The following DGCR2 variants were observed in gnomAD, a reference collection of about 807,000 sequenced individuals.
DGCR2 encodes DiGeorge syndrome critical region gene 2.
Under a neutral mutation model 51.6 loss-of-function variants are expected in DGCR2, and 24 were observed. The ratio of observed to expected loss-of-function variants is 0.47; its 90% CI spans 0.34 to 0.65. DGCR2 has a LOEUF of 0.65. Among genes scored for constraint, DGCR2 ranks in the 30% least tolerant of loss-of-function variants. DGCR2 has a pLI of 0.01. For synonymous variants in DGCR2, 340 were observed against 315.4 expected, an observed-to-expected ratio of 1.08 and a Z score of -0.82; for missense variants, 765 against 772.1, an observed-to-expected ratio of 0.99 and a Z score of 0.11.
intron 5 of DGCR2, among the ~76,000 whole-genome samples, chr22:19,062,608 G>A (rs1262267547): frequency 6.6e-6 from 1 of 152,080 alleles, no homozygotes; most frequent in Non-Finnish European, 1.5e-5. Flanking sequence ...GGCACTGCTG[G>A]AGTATGTCCA....
intron 1 of DGCR2, among the ~76,000 whole-genome samples, chr22:19,100,661 G>GT (rs2083191730): frequency 3.7e-5 from 3 of 80,670 alleles, no homozygotes; most frequent in East Asian, 6.9e-4. Flanking sequence ...GCGAGACTCC[G>GT]TTTAAAAAAA....
chr22:19,064,485 T>C (rs1174650568), intron 4 of DGCR2, among the ~76,000 whole-genome samples: 2 of 152,130 alleles, frequency 1.3e-5, no homozygotes, highest in Non-Finnish European at 2.9e-5. Flanking sequence ...TGCACACCCC[T>C]TGCACAAGGC....
Position 19,036,978 on chromosome 22 carries a change from G to A in DGCR2, c.*1887C>T, listed in dbSNP as rs2082376209. The A allele has an allele frequency of 6.6e-6, 1 of 152,390 alleles. No individual in the cohort carries two copies. Among genetic ancestry groups the A allele is most frequent in the African/African-American group, 2.4e-5 (1 of 41,466 alleles). The allele number at this position is 152,390 out of a possible 1,614,324, so 9.4% of individuals were successfully genotyped here. On this transcript the variant is annotated 3_prime_UTR_variant, in exon 10 of 10. Transcript: ENST00000263196. ...GAATCCTCTGAGCTCTCAGGCTCAG[G>A]CCCGTGGGGGACTCTGCTGCGTGGT...
At chr22:19,121,117 C>A (rs2083426613) in intron 1 of DGCR2, among the ~76,000 whole-genome samples, 1 of 152,218 alleles carries the variant, frequency 6.6e-6, no homozygotes, top group Admixed American at 6.5e-5. Flanking sequence ...GCCACACACC[C>A]CGTGCTCCCA....
intron 3 of DGCR2, among the ~76,000 whole-genome samples, chr22:19,067,580 C>T (rs931906306): frequency 3.9e-5 from 6 of 152,174 alleles, no homozygotes; most frequent in Middle Eastern, 3.4e-3. Flanking sequence ...GTAATCCCAG[C>T]TACTCGGGAG....
chr22:19,114,702 G>A (rs1366866392), intron 1 of DGCR2, among the ~76,000 whole-genome samples: 1 of 152,170 alleles, frequency 6.6e-6, no homozygotes, highest in East Asian at 1.9e-4. Flanking sequence ...GGGTCCCTCT[G>A]CTGTGACTCC....
At chr22:19,113,952 G>C (rs1333620608) in intron 1 of DGCR2, among the ~76,000 whole-genome samples, 1 of 151,690 alleles carries the variant, frequency 6.6e-6, no homozygotes, top group Non-Finnish European at 1.5e-5. Flanking sequence ...CCAGCTACTT[G>C]GGAGGTTGAG....
At chr22:19,048,385 A>G in intron 7 of DGCR2, 55 bp downstream of exon 7, 2 of 1,597,726 alleles carry the variant, frequency 1.3e-6, no homozygotes, top group South Asian at 2.2e-5. Context: ...AGGGACGCCC[A>G]GCCTCCAGCC....
At chr22:19,044,469 A>G (rs958015509) in intron 7 of DGCR2, among the ~76,000 whole-genome samples, 1 of 152,248 alleles carries the variant, frequency 6.6e-6, no homozygotes, top group Non-Finnish European at 1.5e-5. Flanking sequence ...GCAGAAGGTC[A>G]GCAGGGATCA....
At chr22:19,074,016 G>A (rs879625613) in intron 2 of DGCR2, among the ~76,000 whole-genome samples, 2 of 152,194 alleles carry the variant, frequency 1.3e-5, no homozygotes, top group African/African-American at 4.8e-5. Context: ...CTGACTGATA[G>A]AGATCTGTAA....
rs1166818525 is a variant in DGCR2, at chr22:19,041,183, A to G, written c.1271T>C (p.Phe424Ser). ...GGGAGGTGGAGGGTCGTGGAAATGG[A>G]AAGTCCCACCCTCTCCGTCGTCAGA... ...HLSDDGEGGT[F>S]HFHDPPPPYT... The change falls in exon 9 of 10, where the codon TTC (phenylalanine) becomes TCC (serine). Residue 424 changes from phenylalanine (F) to serine (S), a missense_variant. Phe to Ser is a radical substitution (Grantham distance 155). Transcript: ENST00000263196. 10 of 1,613,846 alleles carry G rather than the reference A, an allele frequency of 6.2e-6. No individual in the cohort carries two copies. The highest frequency in any genetic ancestry group is 8.5e-6 in the Non-Finnish European group (10 of 1,179,932).
chr22:19,098,753 A>AATTTTTT (rs2083169296), intron 1 of DGCR2, among the ~76,000 whole-genome samples: 2 of 151,900 alleles, frequency 1.3e-5, no homozygotes, highest in Non-Finnish European at 2.9e-5. Flanking sequence ...ATACTCAGCT[A>AATTTTTT]ATTTTTTATT....
intron 6 of DGCR2, 86 bp from the exon 7 acceptor site, chr22:19,048,729 G>T: frequency 1.4e-6 from 2 of 1,389,096 alleles, no homozygotes; most frequent in Non-Finnish European, 2.0e-6. Context: ...AAAAAAGGTA[G>T]CCTCCCCGTG....
chr22:19,088,918 G>A (rs1191356585), intron 2 of DGCR2, among the ~76,000 whole-genome samples: 2 of 152,188 alleles, frequency 1.3e-5, no homozygotes, highest in Admixed American at 6.5e-5. Context: ...GAGAGAACCT[G>A]TGAGTGCAAA....
At chr22:19,084,687 G>C (rs1271532902) in intron 2 of DGCR2, among the ~76,000 whole-genome samples, 1 of 109,314 alleles carries the variant, frequency 9.1e-6, no homozygotes, top group Non-Finnish European at 2.1e-5. Flanking sequence ...GCCCCCGCCC[G>C]GCCAGCTGCC....
chr22:19,063,784 G>C (rs900806482), intron 4 of DGCR2, among the ~76,000 whole-genome samples: 1 of 152,144 alleles, frequency 6.6e-6, no homozygotes, highest in Non-Finnish European at 1.5e-5. Context: ...AACCGGTAAA[G>C]CTTTCACAAT....
At position 19,087,125 on chromosome 22, in the gene DGCR2, C is replaced by A. The variant is rs771003084; in HGVS notation, c.202+2243G>T. On this transcript the variant is annotated intron_variant, in intron 2 of 9. Transcript: ENST00000263196. Reference sequence around the variant, plus strand: ...GACAAGGGGAGGCTCCCACTCATAACCACATGGTCGTCCCCAGGCTGACCA... The same window carrying A: ...GACAAGGGGAGGCTCCCACTCATAAACACATGGTCGTCCCCAGGCTGACCA... 1.0e-3 allele frequency among the ~76,000 whole-genome samples: 154 copies of A among 152,304 alleles called. 1 individual carries two copies. Among genetic ancestry groups the A allele is most frequent in the Non-Finnish European group, 1.7e-3 (113 of 68,028 alleles).
At chr22:19,088,970 G>A (rs1363565498) in intron 2 of DGCR2, among the ~76,000 whole-genome samples, 1 of 152,088 alleles carries the variant, frequency 6.6e-6, no homozygotes, top group Non-Finnish European at 1.5e-5. Context: ...GGCGTGCCAA[G>A]GCCAGTCTAA....
rs2082382320 is a variant in DGCR2, at chr22:19,037,435, T to C, written c.*1430A>G. On this transcript the variant is annotated 3_prime_UTR_variant, in exon 10 of 10. Coordinates refer to ENST00000263196, the MANE Select transcript of DGCR2 (RefSeq NM_005137.3). Reference sequence around the variant, plus strand: ...CGAGCAGCACCACAGAACTGCATGCTTCAGACAGGCCTCCCAGGTGCTGCC... The same window carrying C: ...CGAGCAGCACCACAGAACTGCATGCCTCAGACAGGCCTCCCAGGTGCTGCC... 6.7e-6 allele frequency: 1 copy of C among 149,512 alleles called. No homozygotes were observed. The highest frequency in any genetic ancestry group is 1.5e-5 in the Non-Finnish European group (1 of 67,548). 9.3% of individuals were successfully genotyped at this position (149,512 alleles called of 1,614,324 possible).
Sources: gnomAD v4.1 joint callset for allele counts (sites outside exome capture counted in the v4.1 genomes callset) on GRCh38, gnomAD v4.1.1 for gene constraint, MANE v1.5 for transcripts, NCBI Gene and HGNC (gene_info 2026-07-23, HGNC 2026-07-21) for gene names.